TTLL7: variants seen among roughly 807,000 people sequenced by gnomAD.
TTLL7 encodes tubulin polyglutamylase TTLL7.
In TTLL7, 53 loss-of-function variants were observed where a neutral mutation model predicts 120.2. The ratio of observed to expected loss-of-function variants is 0.44; its 90% confidence interval spans 0.35 to 0.55. TTLL7 has a LOEUF of 0.55. Among genes scored for constraint, TTLL7 ranks in the 20% least tolerant of loss-of-function variants. The pLI, the probability that TTLL7 is intolerant of heterozygous loss-of-function variation, is 0.00. For synonymous variants in TTLL7, 353 were observed against 351.7 expected (o/e 1.00, Z -0.04); for missense variants, 803 against 1,054.7 (o/e 0.76, Z 3.31).
intron 20 of TTLL7, among the ~76,000 whole-genome samples, chr1:83,872,681 G>A (rs1653546336): frequency 6.6e-6 from 1 of 152,100 alleles, no homozygotes; most frequent in Non-Finnish European, 1.5e-5. Context: ...AAGATCACTA[G>A]TTGGCACATG....
At chr1:83,872,684 G>A (rs1653547019) in intron 20 of TTLL7, among the ~76,000 whole-genome samples, 1 of 152,022 alleles carries the variant, frequency 6.6e-6, no homozygotes, top group Admixed American at 6.6e-5. Flanking sequence ...ATCACTAGTT[G>A]GCACATGAAA....
intron 1 of TTLL7, among the ~76,000 whole-genome samples, chr1:83,990,173 T>G (rs1352507110): frequency 6.7e-6 from 1 of 148,276 alleles, no homozygotes; most frequent in Admixed American, 6.7e-5. Flanking sequence ...ATGCCTTTTT[T>G]TTTTTTTTTT....
intron 1 of TTLL7, among the ~76,000 whole-genome samples, chr1:83,981,762 C>A (rs1166690007): frequency 6.7e-6 from 1 of 149,886 alleles, no homozygotes; most frequent in Non-Finnish European, 1.5e-5. Flanking sequence ...AACCCGGGGG[C>A]GGAGCTTTCA....
intron 18 of TTLL7, among the ~76,000 whole-genome samples, chr1:83,892,968 A>G (rs901161765): frequency 5.3e-5 from 8 of 150,030 alleles, no homozygotes; most frequent in Non-Finnish European, 1.2e-4. Flanking sequence ...TAAAAGAAAG[A>G]AAGAGAAAAA....
Position 83,906,466 on chromosome 1 carries a change from T to TA in TTLL7, c.1993-4dup. On this transcript the variant is annotated splice_polypyrimidine_tract_variant and splice_region_variant and intron_variant, in intron 16 of 20. Transcript: ENST00000260505. ...TTCAGTTGCCGCAAAGACTCACTCT[T>TA]AAATTTGAAAGAATACAGATATTTG... 1 of 1,611,604 alleles carries TA rather than the reference T, an allele frequency of 6.2e-7. No homozygotes were observed. The highest frequency in any genetic ancestry group is 1.7e-5 in the Admixed American group (1 of 59,834).
chr1:83,955,870 G>A lies in TTLL7; in HGVS notation c.-176-3483C>T, dbSNP rs150018022. Among the ~76,000 whole-genome samples, 548 of 152,194 alleles carry A rather than the reference G, an allele frequency of 3.6e-3. 2 individuals are homozygous for A. The highest frequency in any genetic ancestry group is 0.013 in the African/African-American group (528 of 41,524). On this transcript the variant is annotated intron_variant, in intron 1 of 20. Coordinates refer to ENST00000260505, the MANE Select transcript of TTLL7 (RefSeq NM_024686.6). ...TTAAAAATTAGCCAGGCATGGTGGT[G>A]CCTGCCTGTAGTCCCAGATACCTGG...
chr1:83,971,650 T>C (rs1407239878), intron 1 of TTLL7, among the ~76,000 whole-genome samples: 5 of 152,022 alleles, frequency 3.3e-5, no homozygotes, highest in Non-Finnish European at 7.4e-5. Context: ...GGTTCTGTAC[T>C]CCATCATTGA....
At chr1:83,872,591 C>T (rs1367182383) in intron 20 of TTLL7, among the ~76,000 whole-genome samples, 1 of 152,194 alleles carries the variant, frequency 6.6e-6, no homozygotes, top group Admixed American at 6.5e-5. Context: ...ACAGTAACGT[C>T]TACCAACTTT....
At chr1:83,903,026 A>G (rs1656858513) in intron 18 of TTLL7, among the ~76,000 whole-genome samples, 1 of 151,786 alleles carries the variant, frequency 6.6e-6, no homozygotes, top group Admixed American at 6.6e-5. Flanking sequence ...CCCCGGTTCT[A>G]TTCTTCACAA....
rs371772223 is a variant in TTLL7 at position 83,935,466 on chromosome 1, A to G, written c.889-1700T>C. On this transcript the variant is annotated intron_variant, in intron 8 of 20. Coordinates refer to ENST00000260505, the MANE Select transcript of TTLL7 (RefSeq NM_024686.6). ...TCCACTACTGTTTTTGAGAATTTAC[A>G]ACATAATATCACTGCTTTAAAACGT... 4.3e-4 allele frequency among the ~76,000 whole-genome samples: 66 copies of G among 152,270 alleles called. 1 individual carries two copies. The South Asian group carries it at 0.013, about 30-fold the overall frequency.
intron 1 of TTLL7, among the ~76,000 whole-genome samples, chr1:83,962,776 T>C (rs1347194108): frequency 6.6e-6 from 1 of 152,100 alleles, no homozygotes; most frequent in African/African-American, 2.4e-5. Context: ...TTCTCTTCCT[T>C]CCAACCTGGA....
rs1652847966 is a variant in TTLL7, at chr1:83,865,349, A to G, written c.*4613T>C. 1 of 152,030 alleles carries G rather than the reference A, an allele frequency of 6.6e-6. No homozygotes were observed. Among genetic ancestry groups the G allele is most frequent in the Admixed American group, 6.6e-5 (1 of 15,254 alleles). The allele number at this position is 152,030 out of a possible 1,614,324, so 9.4% of individuals were successfully genotyped here. A position where few individuals can be genotyped will look rare whatever the true frequency, so the allele number is the denominator to read the frequency against. On this transcript the variant is annotated 3_prime_UTR_variant, in exon 21 of 21. Transcript: ENST00000260505. ...GTATGAACTGAATAGCTCAGGACCAAGAATTGCTGTTAGCCTTTGAAAGAG... is the reference window on the plus strand; with the variant it reads ...GTATGAACTGAATAGCTCAGGACCAGGAATTGCTGTTAGCCTTTGAAAGAG...
intron 1 of TTLL7, among the ~76,000 whole-genome samples, chr1:83,975,612 G>A (rs549506341): frequency 6.6e-6 from 1 of 152,068 alleles, no homozygotes; most frequent in Non-Finnish European, 1.5e-5. Flanking sequence ...CTTAAGACAG[G>A]TCTGTTTGAT....
At chr1:83,995,827 T>C (rs933536523) in intron 1 of TTLL7, among the ~76,000 whole-genome samples, 7 of 152,196 alleles carry the variant, frequency 4.6e-5, no homozygotes, top group African/African-American at 1.7e-4. Flanking sequence ...AGTGCTATTA[T>C]TATCATCAAT....
intron 20 of TTLL7, 154 bp downstream of exon 20, chr1:83,882,809 A>G: frequency 1.4e-6 from 1 of 739,084 alleles, no homozygotes; most frequent in Non-Finnish European, 2.2e-6. Context: ...ATACTGTACT[A>G]ATTAAAAATA....
intron 6 of TTLL7, among the ~76,000 whole-genome samples, 159 bp from the exon 7 acceptor site, chr1:83,942,838 T>C (rs1240076063): frequency 6.6e-6 from 1 of 152,220 alleles, no homozygotes; most frequent in African/African-American, 2.4e-5. Flanking sequence ...AGGAATCAAC[T>C]TTTTGTAACC....
chr1:83,982,799 C>G (rs1441090763), intron 1 of TTLL7, among the ~76,000 whole-genome samples: 1 of 152,062 alleles, frequency 6.6e-6, no homozygotes, highest in African/African-American at 2.4e-5. Context: ...TAGAAAAAAA[C>G]TATTTGAAAA....
intron 1 of TTLL7, chr1:83,981,033 TATAA>T (rs879378220): frequency 5.5e-5 from 8 of 145,184 alleles, no homozygotes; most frequent in Non-Finnish European, 8.9e-5. Context: ...TTCAAAAACT[TATAA>T]ATAAATAAAA....
At chr1:83,956,961 T>A (rs1649585630) in intron 1 of TTLL7, among the ~76,000 whole-genome samples, 1 of 152,236 alleles carries the variant, frequency 6.6e-6, no homozygotes, top group South Asian at 2.1e-4. Flanking sequence ...TGTATCAATA[T>A]AATCATGTTG....
Sources: allele counts gnomAD v4.1 joint callset (sites outside exome capture counted in the v4.1 genomes callset), GRCh38; gene constraint gnomAD v4.1.1; transcripts MANE v1.5; gene names NCBI Gene and HGNC (gene_info 2026-07-23, HGNC 2026-07-21).